The following CD99L2 variants were observed in gnomAD, a reference collection of about 807,000 sequenced individuals.
CD99L2 encodes CD99 antigen-like protein 2.
A neutral mutation model predicts 27.3 loss-of-function variants in CD99L2; 24 were observed. The observed-to-expected ratio is 0.88, with a 90% CI of 0.64 to 1.24. The LOEUF (loss-of-function observed/expected upper bound fraction) is 1.24. CD99L2 is among the 50% of genes most tolerant of loss of function. The pLI, the probability that CD99L2 is intolerant of heterozygous loss-of-function variation, is 0.00. For synonymous variants in CD99L2, 97 were observed against 87.9 expected (o/e 1.10, Z -0.58); for missense variants, 255 against 221.6 (o/e 1.15, Z -0.96).
rs1306801635 is a variant in CD99L2, at chrX:150,778,481, T to C, written c.497-999A>G. ...TGGCAGGGTGGGGGGGTATTGATAG[T>C]TGGGGAGGCTGTGCACATGTGGGGG... On this transcript the variant is annotated intron_variant, in intron 7 of 10. Transcript: ENST00000370377. 7.2e-5 allele frequency among the ~76,000 whole-genome samples: 7 copies of C among 97,312 alleles called. No individual in the cohort carries two copies. The East Asian group carries it at 1.0e-3, about 14-fold the overall frequency. 84.5% of individuals were successfully genotyped at this position (97,312 alleles called of 115,157 possible). A position where few individuals can be genotyped will look rare whatever the true frequency, so the allele number is the denominator to read the frequency against.
intron 1 of CD99L2, among the ~76,000 whole-genome samples, chrX:150,896,794 TG>T (rs782674076): frequency 8.9e-6 from 1 of 112,614 alleles, no homozygotes; most frequent in Non-Finnish European, 1.9e-5. Flanking sequence ...AGGCAGTGAC[TG>T]CGCAGTCAGA....
At chrX:150,886,602 G>A (rs1557422633) in intron 1 of CD99L2, among the ~76,000 whole-genome samples, 1 of 112,634 alleles carries the variant, frequency 8.9e-6, no homozygotes, top group Non-Finnish European at 1.9e-5. Context: ...GCAAGGCATG[G>A]CTGTATCCGT....
At chrX:150,869,944 C>A (rs2047130101) in intron 1 of CD99L2, among the ~76,000 whole-genome samples, 1 of 111,377 alleles carries the variant, frequency 9.0e-6, no homozygotes, top group Non-Finnish European at 1.9e-5. Context: ...CTCATCCCCA[C>A]TGCTGGTGAG....
At chrX:150,851,980 A>AG (rs1412388283) in intron 1 of CD99L2, among the ~76,000 whole-genome samples, 1 of 111,868 alleles carries the variant, frequency 8.9e-6, no homozygotes, top group African/African-American at 3.2e-5. Context: ...ACCTCTGAGC[A>AG]GGGAGGGAAC....
At chrX:150,769,147 A>G (rs2043365973) in intron 10 of CD99L2, 46 bp from the exon 11 acceptor site, 1 of 1,133,385 alleles carries the variant, frequency 8.8e-7, no homozygotes, top group Non-Finnish European at 1.2e-6. Flanking sequence ...TCTGTCTTGC[A>G]CAGAAGAAGC....
At position 150,810,943 on chromosome X, in the gene CD99L2, T is replaced by C. The variant is rs782799391; in HGVS notation, c.277+3919A>G. Among the ~76,000 whole-genome samples, 3 of 112,095 alleles carry C rather than the reference T, an allele frequency of 2.7e-5. No homozygotes were observed. The South Asian group carries it at 1.1e-3, about 42-fold the overall frequency. On this transcript the variant is annotated intron_variant, in intron 4 of 10. Coordinates refer to ENST00000370377, the MANE Select transcript of CD99L2 (RefSeq NM_031462.4). ...CTGGCCAGGCGTGGTGGCTCATGCC[T>C]GTAATCCCAGCACTTTGGGAGGCTG...
intron 1 of CD99L2, among the ~76,000 whole-genome samples, chrX:150,889,968 C>T (rs374604301): frequency 8.3e-5 from 9 of 108,938 alleles, no homozygotes; most frequent in African/African-American, 2.0e-4. Flanking sequence ...CTGGCTAACA[C>T]GGTGAAACCC....
At chrX:150,853,688 A>T (rs4623586) in intron 1 of CD99L2, among the ~76,000 whole-genome samples, 34,237 of 110,692 alleles carry the variant, frequency 0.31, 4,095 homozygotes, top group African/African-American at 0.42. Context: ...TTTAATGATA[A>T]AAAAGCACAA....
intron 1 of CD99L2, among the ~76,000 whole-genome samples, chrX:150,853,145 T>C (rs1308400743): frequency 1.8e-5 from 2 of 111,725 alleles, no homozygotes; most frequent in East Asian, 5.6e-4. Context: ...TCACCCAGAC[T>C]TGCACCTTCA....
chrX:150,888,489 G>A lies in CD99L2; in HGVS notation c.67+10033C>T, dbSNP rs150326970. 7.6e-3 allele frequency among the ~76,000 whole-genome samples: 849 copies of A among 112,182 alleles called. 7 individuals carry two copies. The highest frequency in any genetic ancestry group is 0.026 in the African/African-American group (802 of 30,827). On this transcript the variant is annotated intron_variant, in intron 1 of 10. Transcript: ENST00000370377. ...GAAATGTCCAGAATGGGCAAATCCA[G>A]ATAGGAAGCAGATGAGCCAGTGCCA...
In CD99L2 at chrX:150,768,680, T is replaced by C. The variant is rs1419665112; in HGVS notation, c.*354A>G. 1 of 225,409 alleles carries C rather than the reference T, an allele frequency of 4.4e-6. No homozygotes were observed. The highest frequency in any genetic ancestry group is 2.9e-5 in the African/African-American group (1 of 34,506). 18.6% of individuals were successfully genotyped at this position (225,409 alleles called of 1,213,427 possible). A position where few individuals can be genotyped will look rare whatever the true frequency, so the allele number is the denominator to read the frequency against. On this transcript the variant is annotated 3_prime_UTR_variant, in exon 11 of 11. Transcript: ENST00000370377. ...TCACAGTCCCTTGAGTTCAAACTCT[T>C]GTCCCCTAAGCATAAATGTCATCAG... is the stretch of plus-strand genomic sequence containing the variant.
intron 4 of CD99L2, among the ~76,000 whole-genome samples, chrX:150,799,513 CAA>C (rs112859570): frequency 1.7e-4 from 13 of 75,214 alleles, no homozygotes; most frequent in East Asian, 4.0e-4. Context: ...GACCCTGTCT[CAA>C]AAAAAAAAAA....
chrX:150,836,894 A>T (rs1164764257), intron 1 of CD99L2, among the ~76,000 whole-genome samples: 2 of 112,318 alleles, frequency 1.8e-5, no homozygotes, highest in Non-Finnish European at 3.8e-5. Flanking sequence ...AGGCACAGTA[A>T]AAATAAAGTA....
intron 1 of CD99L2, among the ~76,000 whole-genome samples, chrX:150,896,517 T>C (rs1326025812): frequency 8.9e-6 from 1 of 112,333 alleles, no homozygotes; most frequent in Non-Finnish European, 1.9e-5. Context: ...GGCCCCCTCA[T>C]CTGAAAGCCA....
chrX:150,843,324 A>G (rs2046650404), intron 1 of CD99L2, among the ~76,000 whole-genome samples: 1 of 112,158 alleles, frequency 8.9e-6, no homozygotes, highest in Non-Finnish European at 1.9e-5. Context: ...ATACTCACCT[A>G]AACTGCATCG....
At chrX:150,857,294 G>T (rs1557421783) in intron 1 of CD99L2, among the ~76,000 whole-genome samples, 1 of 110,924 alleles carries the variant, frequency 9.0e-6, no homozygotes, top group African/African-American at 3.3e-5. Context: ...ATGCAAAAAG[G>T]TCTTTTCAAT....
chrX:150,793,391 C>A (rs782532115), intron 7 of CD99L2, among the ~76,000 whole-genome samples: 1 of 112,662 alleles, frequency 8.9e-6, no homozygotes, highest in Admixed American at 9.3e-5. Flanking sequence ...AGTCCACTGG[C>A]CCCCAGTTAT....
intron 2 of CD99L2, among the ~76,000 whole-genome samples, chrX:150,824,683 A>AGAG (rs1201440035): frequency 2.1e-3 from 88 of 41,881 alleles, no homozygotes; most frequent in African/African-American, 4.7e-3. Flanking sequence ...AGGAAGAAGA[A>AGAG]GAAGAGGAAG....
At chrX:150,848,902 T>C (rs1195046322) in intron 1 of CD99L2, among the ~76,000 whole-genome samples, 3 of 111,199 alleles carry the variant, frequency 2.7e-5, no homozygotes, top group Non-Finnish European at 5.7e-5. Flanking sequence ...CTACAAAGAA[T>C]AAGTTTGTCC....
Sources: allele counts gnomAD v4.1 joint callset (sites outside exome capture counted in the v4.1 genomes callset), GRCh38; gene constraint gnomAD v4.1.1; transcripts MANE v1.5; gene names NCBI Gene and HGNC (gene_info 2026-07-23, HGNC 2026-07-21).